Variants in ROBO2 observed in about 807,000 individuals in gnomAD.
ROBO2 encodes roundabout guidance receptor 2, also known as roundabout homolog 2.
ROBO2 carries 53 observed loss-of-function variants against 160.8 expected under a neutral mutation model. The ratio of observed to expected loss-of-function variants is 0.33; its 90% CI spans 0.26 to 0.41. ROBO2 has a LOEUF of 0.41. ROBO2 is among the 10% of genes least tolerant of loss of function. The pLI is 1.00. For missense variants in ROBO2, 1,577 were observed against 1,722.4 expected, an observed-to-expected ratio of 0.92 and a Z score of 1.49; for synonymous variants, 664 against 611.7, an observed-to-expected ratio of 1.09 and a Z score of -1.26.
At chr3:76,250,128 G>T (rs980113185) in intron 2 of ROBO2, among the ~76,000 whole-genome samples, 2 of 151,998 alleles carry the variant, frequency 1.3e-5, no homozygotes, top group African/African-American at 4.8e-5. Flanking sequence ...TATCAAAATT[G>T]TATTCCTGCC....
intron 2 of ROBO2, among the ~76,000 whole-genome samples, chr3:77,471,479 G>A (rs1250261716): frequency 6.6e-6 from 1 of 152,166 alleles, no homozygotes; most frequent in Admixed American, 6.5e-5. Flanking sequence ...TTGGTTTCTT[G>A]CCAGCTGTTG....
chr3:76,485,078 C>T (rs1479770005), intron 2 of ROBO2, among the ~76,000 whole-genome samples: 1 of 151,998 alleles, frequency 6.6e-6, no homozygotes, highest in African/African-American at 2.4e-5. Context: ...TTTCCTCAAA[C>T]GGTGGTGGCG....
In ROBO2 at chr3:77,564,648, C is replaced by G. The variant is rs566846664; in HGVS notation, c.1683-306C>G. On this transcript the variant is annotated intron_variant, in intron 11 of 25. Coordinates refer to ENST00000461745, the Ensembl canonical transcript of ROBO2. Reference sequence around the variant, plus strand: ...TATTGTATAAACTTGATGTTGTGATCTTGGCCTCTGTTCCTTTTACAGGTA... The same window carrying G: ...TATTGTATAAACTTGATGTTGTGATGTTGGCCTCTGTTCCTTTTACAGGTA... 5 of 474,506 alleles carry G rather than the reference C, an allele frequency of 1.1e-5. No individual in the cohort carries two copies. In the East Asian group the frequency reaches 1.3e-4, roughly 12 times the overall value. 29.4% of individuals were successfully genotyped at this position (474,506 alleles called of 1,614,324 possible).
chr3:76,671,062 C>G (rs1250494374), intron 2 of ROBO2, among the ~76,000 whole-genome samples: 1 of 151,858 alleles, frequency 6.6e-6, no homozygotes, highest in Non-Finnish European at 1.5e-5. Context: ...TAAATGAAAA[C>G]TTAACAGTAC....
intron 2 of ROBO2, among the ~76,000 whole-genome samples, chr3:76,978,305 C>T (rs895155937): frequency 1.3e-5 from 2 of 152,082 alleles, no homozygotes; most frequent in Non-Finnish European, 2.9e-5. Context: ...CTTTATGCAT[C>T]GATCTTATAG....
intron 2 of ROBO2, chr3:77,317,475 C>G: frequency 6.5e-7 from 1 of 1,530,706 alleles, no homozygotes; most frequent in Non-Finnish European, 8.9e-7. Context: ...GTTGGCTGAG[C>G]CTGAGCTTGT....
intron 2 of ROBO2, among the ~76,000 whole-genome samples, chr3:76,545,709 T>C (rs966657445): frequency 1.1e-4 from 16 of 151,968 alleles, no homozygotes; most frequent in Admixed American, 1.0e-3. Context: ...TATGCTGATC[T>C]TTTTTCTTGA....
At chr3:77,277,172 C>CTTTCTTT in intron 2 of ROBO2, among the ~76,000 whole-genome samples, 1 of 96,872 alleles carries the variant, frequency 1.0e-5, no homozygotes, top group East Asian at 2.4e-4. Context: ...TTCTTTCTTT[C>CTTTCTTT]TTTCTTTCTT....
At chr3:76,362,091 G>A (rs746204465) in intron 2 of ROBO2, among the ~76,000 whole-genome samples, 3 of 152,090 alleles carry the variant, frequency 2.0e-5, no homozygotes, top group Admixed American at 2.0e-4. Flanking sequence ...TTGGCCAGGT[G>A]CAGTGACTCA....
intron 2 of ROBO2, among the ~76,000 whole-genome samples, chr3:76,844,479 C>A (rs2068595471): frequency 6.6e-6 from 1 of 151,824 alleles, no homozygotes; most frequent in South Asian, 2.1e-4. Flanking sequence ...TAAGTGAAAA[C>A]CGTGAATAGT....
intron 2 of ROBO2, among the ~76,000 whole-genome samples, chr3:76,853,061 T>C (rs1310048100): frequency 6.6e-6 from 1 of 152,080 alleles, no homozygotes; most frequent in Non-Finnish European, 1.5e-5. Context: ...TTTAAAATAG[T>C]ATCAGACCTC....
intron 2 of ROBO2, among the ~76,000 whole-genome samples, chr3:76,324,513 A>T (rs546259123): frequency 5.3e-4 from 80 of 152,334 alleles, no homozygotes; most frequent in African/African-American, 1.1e-3. Context: ...TTAACAAGTT[A>T]GCAATTTCTT....
At chr3:77,124,697 G>A (rs1413242736) in intron 2 of ROBO2, among the ~76,000 whole-genome samples, 3 of 152,024 alleles carry the variant, frequency 2.0e-5, no homozygotes, top group Non-Finnish European at 4.4e-5. Context: ...AAATAGTAGT[G>A]CAGTTACCTT....
At chr3:76,146,000 C>T (rs965788639) in intron 2 of ROBO2, among the ~76,000 whole-genome samples, 2 of 151,966 alleles carry the variant, frequency 1.3e-5, no homozygotes, top group Admixed American at 6.6e-5. Context: ...TCCACTATTT[C>T]TTTCCCGCTG....
At chr3:76,202,923 T>C (rs1262105275) in intron 2 of ROBO2, among the ~76,000 whole-genome samples, 2 of 152,012 alleles carry the variant, frequency 1.3e-5, no homozygotes, top group Admixed American at 1.3e-4. Context: ...AGTGACACTG[T>C]GTTCAGGTGT....
At chr3:76,244,056 T>C (rs548108018) in intron 2 of ROBO2, among the ~76,000 whole-genome samples, 1 of 152,310 alleles carries the variant, frequency 6.6e-6, no homozygotes, top group African/African-American at 2.4e-5. Context: ...CAGGCACTCT[T>C]GTAAGCATTT....
At chr3:76,624,796 C>CAAAAAAAAAAAAAAAAAAAA (rs57920315) in intron 2 of ROBO2, among the ~76,000 whole-genome samples, 3 of 46,324 alleles carry the variant, frequency 6.5e-5, no homozygotes, top group African/African-American at 3.1e-4. Context: ...GACTCCGTCT[C>CAAAAAAAAAAAAAAAAAAAA]AAAAAAAAAA....
chr3:76,945,597 G>A (rs1368251171), intron 2 of ROBO2, among the ~76,000 whole-genome samples: 1 of 152,180 alleles, frequency 6.6e-6, no homozygotes, highest in Non-Finnish European at 1.5e-5. Flanking sequence ...TCCATTTGAA[G>A]TCGTTTCACC....
intron 2 of ROBO2, among the ~76,000 whole-genome samples, chr3:76,003,990 G>A (rs552663417): frequency 6.6e-6 from 1 of 152,222 alleles, no homozygotes; most frequent in South Asian, 2.1e-4. Flanking sequence ...GAAAACAATA[G>A]GGAAGTTTCT....
Sources: allele counts gnomAD v4.1 joint callset (sites outside exome capture counted in the v4.1 genomes callset), GRCh38; gene constraint gnomAD v4.1.1; transcripts MANE v1.5; gene names NCBI Gene and HGNC (gene_info 2026-07-23, HGNC 2026-07-21).